Variants in STAT3 observed in about 807,000 individuals in gnomAD.
STAT3 encodes the protein signal transducer and activator of transcription 3, also known as DNA-binding protein APRF.
A neutral mutation model predicts 114.3 loss-of-function variants in STAT3; 7 were observed. That is an observed-to-expected ratio of 0.06 (90% CI 0.03 to 0.11). The LOEUF (loss-of-function observed/expected upper bound fraction) is 0.11. STAT3 is among the 10% of genes least tolerant of loss of function. STAT3 has a pLI of 1.00. For missense variants in STAT3, 364 were observed against 960.9 expected (o/e 0.38, Z 8.21); for synonymous variants, 331 against 354.5 (o/e 0.93, Z 0.74).
chr17:42,341,291 A>G (rs1182699516), intron 4 of STAT3, among the ~76,000 whole-genome samples: 3 of 152,144 alleles, frequency 2.0e-5, no homozygotes, highest in Non-Finnish European at 4.4e-5. Context: ...CACACAATTG[A>G]TAACTTCAAC....
intron 1 of STAT3, among the ~76,000 whole-genome samples, chr17:42,382,921 G>A (rs2084884749): frequency 6.6e-6 from 1 of 152,136 alleles, no homozygotes; most frequent in African/African-American, 2.4e-5. Context: ...GGAATTACAG[G>A]CATGAGCCAC....
At chr17:42,374,502 C>T (rs545881403) in intron 1 of STAT3, among the ~76,000 whole-genome samples, 15 of 149,706 alleles carry the variant, frequency 1.0e-4, no homozygotes, top group African/African-American at 2.7e-4. Flanking sequence ...CCCAGCTACT[C>T]GGGAGCCTGA....
intron 23 of STAT3, 98 bp from the exon 24 acceptor site, chr17:42,315,898 C>T: frequency 6.2e-7 from 1 of 1,606,046 alleles, no homozygotes; most frequent in Non-Finnish European, 8.5e-7. Flanking sequence ...CAGGCTACCA[C>T]TGCTATCCAA....
At chr17:42,330,445 T>C (rs1444612294) in intron 11 of STAT3, among the ~76,000 whole-genome samples, 7 of 140,378 alleles carry the variant, frequency 5.0e-5, no homozygotes, top group Admixed American at 2.2e-4. Flanking sequence ...CTTTTTTTTT[T>C]TTTTTGAGAT....
At chr17:42,365,667 T>G (rs540455212) in intron 1 of STAT3, among the ~76,000 whole-genome samples, 41 of 151,502 alleles carry the variant, frequency 2.7e-4, no homozygotes, top group Admixed American at 8.5e-4. Flanking sequence ...TTTTTGTTTT[T>G]TTTTTTGAGA....
At chr17:42,339,199 T>C in intron 5 of STAT3, 115 bp downstream of exon 5, 1 of 1,002,500 alleles carries the variant, frequency 1.0e-6, no homozygotes, top group Admixed American at 2.1e-5. Flanking sequence ...GAGGCTGCAG[T>C]GAGCTGTGAT....
chr17:42,347,202 A>G (rs940598197), intron 2 of STAT3, among the ~76,000 whole-genome samples: 1 of 151,106 alleles, frequency 6.6e-6, no homozygotes, highest in Non-Finnish European at 1.5e-5. Context: ...AAAAAAAAAA[A>G]ACCACAAAAC....
chr17:42,377,656 G>A (rs1402923052), intron 1 of STAT3, among the ~76,000 whole-genome samples: 1 of 152,108 alleles, frequency 6.6e-6, no homozygotes, highest in Non-Finnish European at 1.5e-5. Context: ...CTTTTGTACT[G>A]ATTCATTTCA....
Position 42,317,583 on chromosome 17 carries a change from C to T in STAT3, c.2102-359G>A, listed in dbSNP as rs529571943. ...ACGTGGTCTGAGCATTCTATTCCGG[C>T]CTGGTCATATCTCTTAGATAACTTC... is the stretch of plus-strand genomic sequence containing the variant. On this transcript the variant is annotated intron_variant, in intron 21 of 23. Coordinates refer to ENST00000264657, the MANE Select transcript of STAT3 (RefSeq NM_139276.3). 31 of 365,070 alleles carry T rather than the reference C, an allele frequency of 8.5e-5. No homozygotes were observed. In the Admixed American group the frequency reaches 1.2e-3, roughly 14 times the overall value. The allele number at this position is 365,070 out of a possible 1,614,324, so 22.6% of individuals were successfully genotyped here.
At chr17:42,329,302 C>T in intron 14 of STAT3, 108 bp downstream of exon 14, 1 of 1,530,270 alleles carries the variant, frequency 6.5e-7, no homozygotes, top group Non-Finnish European at 9.0e-7. Flanking sequence ...ATAACTACAG[C>T]TGAAAGAACA....
intron 1 of STAT3, among the ~76,000 whole-genome samples, chr17:42,351,747 C>A (rs749816659): frequency 1.1e-4 from 17 of 152,000 alleles, no homozygotes; most frequent in Non-Finnish European, 2.2e-4. Flanking sequence ...TATAAATTAA[C>A]TAAATATTCC....
chr17:42,332,231 T>A (rs2082047639), intron 10 of STAT3, among the ~76,000 whole-genome samples: 1 of 147,732 alleles, frequency 6.8e-6, no homozygotes, highest in South Asian at 2.3e-4. Context: ...CTGGCCCCTA[T>A]CTCTCTCTTT....
intron 1 of STAT3, among the ~76,000 whole-genome samples, chr17:42,385,967 T>C (rs1280789515): frequency 6.6e-6 from 1 of 152,156 alleles, no homozygotes; most frequent in Non-Finnish European, 1.5e-5. Context: ...GGTATTTTAC[T>C]GTTCAGATAT....
intron 1 of STAT3, among the ~76,000 whole-genome samples, chr17:42,359,063 G>A (rs951208133): frequency 6.7e-6 from 1 of 149,664 alleles, no homozygotes; most frequent in East Asian, 2.0e-4. Context: ...AGCCTCCCGA[G>A]TAGCTGGGAC....
intron 10 of STAT3, among the ~76,000 whole-genome samples, chr17:42,332,226 C>T (rs568619628): frequency 6.6e-6 from 1 of 151,010 alleles, no homozygotes; most frequent in African/African-American, 2.4e-5. Flanking sequence ...CGTGCCTGGC[C>T]CCTATCTCTC....
chr17:42,368,372 C>A (rs1905340), intron 1 of STAT3, among the ~76,000 whole-genome samples: 46,012 of 152,100 alleles, frequency 0.3, 7,294 homozygotes, highest in East Asian at 0.4. Context: ...AAGTAGATCA[C>A]ACTAAATATT....
At chr17:42,364,655 G>C (rs925462258) in intron 1 of STAT3, among the ~76,000 whole-genome samples, 3 of 152,150 alleles carry the variant, frequency 2.0e-5, no homozygotes, top group African/African-American at 7.2e-5. Flanking sequence ...GCTAATTTTT[G>C]TATTTTTCGT....
At chr17:42,361,028 C>T (rs1325032233) in intron 1 of STAT3, among the ~76,000 whole-genome samples, 1 of 152,124 alleles carries the variant, frequency 6.6e-6, no homozygotes, top group East Asian at 1.9e-4. Context: ...AGGACTAGAA[C>T]CTGTCTCCTC....
intron 1 of STAT3, among the ~76,000 whole-genome samples, chr17:42,363,615 CTTT>C (rs78016340): frequency 6.6e-5 from 9 of 136,072 alleles, no homozygotes; most frequent in Non-Finnish European, 4.8e-5. Flanking sequence ...GGATAATTTT[CTTT>C]TTTTTTTTTT....
Sources: allele counts gnomAD v4.1 joint callset (sites outside exome capture counted in the v4.1 genomes callset), GRCh38; gene constraint gnomAD v4.1.1; transcripts MANE v1.5; gene names NCBI Gene and HGNC (gene_info 2026-07-23, HGNC 2026-07-21).